DZIP1: variants seen among roughly 807,000 people sequenced by gnomAD.
DZIP1 encodes the protein DAZ interacting zinc finger protein 1.
DZIP1 carries 97 observed loss-of-function variants against 107.6 expected under a neutral mutation model. The ratio of observed to expected loss-of-function variants is 0.90; its 90% CI spans 0.77 to 1.07. DZIP1 has a LOEUF of 1.07. Among genes scored for constraint, DZIP1 ranks in the 50% least tolerant of loss-of-function variants. The pLI, the probability that DZIP1 is intolerant of heterozygous loss-of-function variation, is 0.00. For synonymous variants in DZIP1, 390 were observed against 386.4 expected (o/e 1.01, Z -0.11); for missense variants, 1,035 against 1,063.6 (o/e 0.97, Z 0.37).
intron 10 of DZIP1, chr13:95,618,033 A>G (rs1875355528): frequency 1.9e-6 from 1 of 518,948 alleles, no homozygotes; most frequent in Non-Finnish European, 3.8e-6. Context: ...GCCCATGGAG[A>G]TGTCGAGTAC....
chr13:95,621,656 C>T (rs1875861995), intron 9 of DZIP1, among the ~76,000 whole-genome samples: 1 of 142,442 alleles, frequency 7.0e-6, no homozygotes, highest in Admixed American at 7.2e-5. Flanking sequence ...CATCAGCTGA[C>T]CAGTTAGCAG....
intron 15 of DZIP1, among the ~76,000 whole-genome samples, chr13:95,595,668 G>A (rs1225763363): frequency 6.6e-6 from 1 of 152,002 alleles, no homozygotes; most frequent in Non-Finnish European, 1.5e-5. Flanking sequence ...AAAATAAAAA[G>A]AGGCACCGAG....
In DZIP1 at chr13:95,622,424, T is replaced by C; in HGVS notation, c.1029A>G (p.Leu343=). The C allele has an allele frequency of 6.2e-7, 1 of 1,614,228 alleles. No individual in the cohort carries two copies. The highest frequency in any genetic ancestry group is 1.1e-5 in the South Asian group (1 of 91,078). ...CTTCTTTAAACTCGTGTGCATCTTT[T>C]AATGTGCCTATGTTGGACTTGATCT... is the stretch of plus-strand genomic sequence containing the variant. ...NMQIKSNIGT[L]KDAHEFKEDR... Residue 343 remains leucine, a synonymous_variant, in exon 9 of 23, where the codon TTA becomes TTG. Coordinates refer to ENST00000376829, the MANE Select transcript of DZIP1 (RefSeq NM_198968.4).
chr13:95,590,275 T>C lies in DZIP1; in HGVS notation c.1843+4A>G. On this transcript the variant is annotated splice_donor_region_variant and intron_variant, in intron 17 of 22. Transcript: ENST00000376829. ...CTCCCATTTGCAGTGGGTAACAAGCTTACCTGAAGAGAGTAGTGCTTTCTC... is the reference window on the plus strand; with the variant it reads ...CTCCCATTTGCAGTGGGTAACAAGCCTACCTGAAGAGAGTAGTGCTTTCTC... 1 of 1,598,534 alleles carries C rather than the reference T, an allele frequency of 6.3e-7. No individual in the cohort carries two copies. The highest frequency in any genetic ancestry group is 1.8e-5 in the Admixed American group (1 of 56,590).
intron 8 of DZIP1, among the ~76,000 whole-genome samples, chr13:95,624,020 C>A (rs1480149476): frequency 7.6e-5 from 4 of 52,716 alleles, no homozygotes; most frequent in African/African-American, 1.5e-4. Context: ...GGACTTGGTT[C>A]ATGGGCCATT....
At chr13:95,632,254 C>A (rs1877278551) in intron 6 of DZIP1, among the ~76,000 whole-genome samples, 1 of 152,140 alleles carries the variant, frequency 6.6e-6, no homozygotes, top group Admixed American at 6.5e-5. Context: ...TCAGTACCCC[C>A]ACCTGCATGT....
At position 95,611,929 on chromosome 13, in the gene DZIP1, A is replaced by G. The variant is rs528464055; in HGVS notation, c.1314+108T>C. 53 of 1,372,254 alleles carry G rather than the reference A, an allele frequency of 3.9e-5. No homozygotes were observed. The African/African-American group carries it at 6.4e-4, about 17-fold the overall frequency. 85.0% of individuals were successfully genotyped at this position (1,372,254 alleles called of 1,614,324 possible). A position where few individuals can be genotyped will look rare whatever the true frequency, so the allele number is the denominator to read the frequency against. On this transcript the variant is annotated intron_variant, in intron 11 of 22. Transcript: ENST00000376829. ...GCAATCACAAGGGGAAAAATATTCC[A>G]TCTTCCTCACCTTATACCACTTACA...
chr13:95,635,397 A>T (rs1268861525), intron 5 of DZIP1, among the ~76,000 whole-genome samples: 1 of 151,950 alleles, frequency 6.6e-6, no homozygotes, highest in Non-Finnish European at 1.5e-5. Flanking sequence ...GAGTTTCACC[A>T]TGTTGGCCAG....
At chr13:95,587,979 GTCTCC>G (rs1252166874) in intron 19 of DZIP1, 2 of 415,194 alleles carry the variant, frequency 4.8e-6, no homozygotes, top group Non-Finnish European at 8.5e-6. Flanking sequence ...GCCGGGGCCT[GTCTCC>G]TCTAAACCCA....
chr13:95,585,444 T>C lies in DZIP1; in HGVS notation c.2350-534A>G, dbSNP rs557476497. Reference sequence around the variant, plus strand: ...AATAGTATTAACTAATAAAAGTAATTTGACAAAATGCCCTGGACTGGAGGA... The same window carrying C: ...AATAGTATTAACTAATAAAAGTAATCTGACAAAATGCCCTGGACTGGAGGA... On this transcript the variant is annotated intron_variant, in intron 21 of 22. Transcript: ENST00000376829. Among the ~76,000 whole-genome samples the C allele has an allele frequency of 9.8e-5, 15 of 152,328 alleles. No homozygotes were observed. The South Asian group carries it at 2.7e-3, about 27-fold the overall frequency.
chr13:95,614,047 C>T (rs958585221), intron 10 of DZIP1, among the ~76,000 whole-genome samples: 11 of 150,516 alleles, frequency 7.3e-5, no homozygotes, highest in Non-Finnish European at 1.0e-4. Context: ...GGTTGCTTGA[C>T]CCCAGGAGGT....
At chr13:95,598,769 G>C (rs1255594850) in intron 15 of DZIP1, among the ~76,000 whole-genome samples, 1 of 151,978 alleles carries the variant, frequency 6.6e-6, no homozygotes, top group East Asian at 1.9e-4. Context: ...TTTCTTCATA[G>C]ACTTTAAAAA....
chr13:95,591,022 C>CTTTT (rs755824494), intron 16 of DZIP1, among the ~76,000 whole-genome samples: 8 of 127,454 alleles, frequency 6.3e-5, no homozygotes, highest in Admixed American at 7.9e-5. Flanking sequence ...GAGGTGACTT[C>CTTTT]TTTTTTTTTT....
chr13:95,632,182 C>G (rs1566426272), intron 6 of DZIP1, among the ~76,000 whole-genome samples: 1 of 152,080 alleles, frequency 6.6e-6, no homozygotes, highest in Non-Finnish European at 1.5e-5. Context: ...CAGACCAGCT[C>G]TACTCCAGTG....
chr13:95,586,088 T>C lies in DZIP1; in HGVS notation c.2267A>G (p.His756Arg), dbSNP rs770276350. The part of the protein sequence containing the change: ...PTEKVEKMFP[H>R]RKNVNKPVGG... ...GACTGGTTTGTTCACATTTTTGCGA[T>C]GTGGAAACATCTTTTCAACTTTTTC... Residue 756 changes from histidine to arginine, a missense_variant, in exon 21 of 23, where the codon CAT becomes CGT. Physicochemically the swap from His to Arg is conservative, Grantham distance 29. Transcript: ENST00000376829. 6.8e-6 allele frequency: 11 copies of C among 1,612,478 alleles called. No individual in the cohort carries two copies. The Admixed American group carries it at 1.2e-4, about 17-fold the overall frequency.
At position 95,589,790 on chromosome 13, in the gene DZIP1, C is replaced by G. The variant is rs200816288; in HGVS notation, c.1973+13G>C. ...AACACTGATAAAATAAATCTGAGGGCTGAAATACTCACTTTGGAACAGATG... is the reference window on the plus strand; with the variant it reads ...AACACTGATAAAATAAATCTGAGGGGTGAAATACTCACTTTGGAACAGATG... On this transcript the variant is annotated intron_variant, in intron 18 of 22. Coordinates refer to ENST00000376829, the MANE Select transcript of DZIP1 (RefSeq NM_198968.4). 2 of 1,610,350 alleles carry G rather than the reference C, an allele frequency of 1.2e-6. No homozygotes were observed. The highest frequency in any genetic ancestry group is 4.5e-5 in the East Asian group (2 of 44,844).
At chr13:95,594,984 G>A (rs926613479) in intron 15 of DZIP1, among the ~76,000 whole-genome samples, 2 of 152,180 alleles carry the variant, frequency 1.3e-5, no homozygotes, top group African/African-American at 4.8e-5. Flanking sequence ...TCATTAAAGA[G>A]ATGCGACGTT....
chr13:95,601,941 G>A (rs1222619355), intron 14 of DZIP1, among the ~76,000 whole-genome samples: 3 of 152,070 alleles, frequency 2.0e-5, no homozygotes, highest in South Asian at 2.1e-4. Flanking sequence ...GCAGACTCCC[G>A]GGGAGGAATC....
At position 95,644,423 on chromosome 13, in the gene DZIP1, G is replaced by A. The variant is rs1331898386; in HGVS notation, c.-572C>T. The stretch of plus-strand genomic sequence containing the variant: ...GGGTGCCGGGCGCTGCAGGCGGGCG[G>A]GGGCGACACAGGGGACCCAGACCCC... On this transcript the variant is annotated 5_prime_UTR_variant, in exon 1 of 23. Coordinates refer to ENST00000376829, the MANE Select transcript of DZIP1 (RefSeq NM_198968.4). 6.6e-6 allele frequency: 1 copy of A among 152,640 alleles called. No individual in the cohort carries two copies. The highest frequency in any genetic ancestry group is 1.5e-5 in the Non-Finnish European group (1 of 68,448). The allele number at this position is 152,640 out of a possible 1,614,324, so 9.5% of individuals were successfully genotyped here. A position where few individuals can be genotyped will look rare whatever the true frequency, so the allele number is the denominator to read the frequency against.
Sources: gnomAD v4.1 joint callset for allele counts (sites outside exome capture counted in the v4.1 genomes callset) on GRCh38, gnomAD v4.1.1 for gene constraint, MANE v1.5 for transcripts, NCBI Gene and HGNC (gene_info 2026-07-23, HGNC 2026-07-21) for gene names.